The following GSE1 variants were observed in gnomAD, a reference collection of about 807,000 sequenced individuals.
The protein encoded by GSE1 is genetic suppressor element 1.
GSE1 carries 32 observed loss-of-function variants against 112.6 expected under a neutral mutation model. The observed-to-expected ratio is 0.28, with a 90% confidence interval of 0.21 to 0.38. The LOEUF (loss-of-function observed/expected upper bound fraction) is 0.38. GSE1 is among the 10% of genes least tolerant of loss of function. The pLI is 1.00. For synonymous variants in GSE1, 1,115 were observed against 735.6 expected (o/e 1.52, Z -8.35); for missense variants, 2,348 against 1,699.2 (o/e 1.38, Z -6.71).
chr16:85,328,744 G>A (rs941215565), intron 1 of GSE1, among the ~76,000 whole-genome samples: 1 of 152,116 alleles, frequency 6.6e-6, no homozygotes, highest in African/African-American at 2.4e-5. Flanking sequence ...CCCCTGCCGG[G>A]TCCTCACAGG....
intron 1 of GSE1, among the ~76,000 whole-genome samples, chr16:85,173,137 T>C (rs1413328893): frequency 1.3e-5 from 2 of 152,218 alleles, no homozygotes; most frequent in Non-Finnish European, 2.9e-5. Context: ...CCAAAAGGGC[T>C]GAAACTGGGA....
intron 2 of GSE1, among the ~76,000 whole-genome samples, chr16:85,462,045 G>C (rs2049982989): frequency 6.6e-6 from 1 of 152,244 alleles, no homozygotes; most frequent in Non-Finnish European, 1.5e-5. Context: ...CAGGCCCCCG[G>C]GGAGTGGGGC....
At position 85,358,557 on chromosome 16, in the gene GSE1, T is replaced by G. The variant is rs540167105; in HGVS notation, c.2464+914T>G. ...TTATTGGGCTGAGCCGGGGAGGAGATGGACAGACAGGGGACTGCTGGGGGC... is the reference window on the plus strand; with the variant it reads ...TTATTGGGCTGAGCCGGGGAGGAGAGGGACAGACAGGGGACTGCTGGGGGC... On this transcript the variant is annotated intron_variant, in intron 2 of 2. Transcript: ENST00000637419. Among the ~76,000 whole-genome samples, 67 of 151,870 alleles carry G rather than the reference T, an allele frequency of 4.4e-4. 2 individuals carry two copies. In the South Asian group the frequency reaches 0.013, roughly 30 times the overall value.
intron 1 of GSE1, among the ~76,000 whole-genome samples, chr16:85,573,018 C>T (rs1189979213): frequency 2.6e-5 from 4 of 152,300 alleles, no homozygotes; most frequent in African/African-American, 7.2e-5. Flanking sequence ...TAGAGGCGCA[C>T]GCCACCACAC....
At chr16:85,502,631 A>G (rs1049404102) in intron 2 of GSE1, among the ~76,000 whole-genome samples, 1 of 152,176 alleles carries the variant, frequency 6.6e-6, no homozygotes, top group Non-Finnish European at 1.5e-5. Context: ...TGCTCTTGAG[A>G]TCATGAGCTG....
At chr16:85,666,583 G>A (rs762834188) in intron 13 of GSE1, 1 of 567,510 alleles carries the variant, frequency 1.8e-6, no homozygotes, top group Non-Finnish European at 3.1e-6. Context: ...CTGACGCTGT[G>A]CTGTGAGCAG....
At chr16:85,630,487 G>A (rs925951986) in intron 1 of GSE1, among the ~76,000 whole-genome samples, 2 of 152,098 alleles carry the variant, frequency 1.3e-5, no homozygotes, top group Non-Finnish European at 2.9e-5. Context: ...CGCATGTGTC[G>A]TTTCAGGGTA....
chr16:85,301,255 A>G (rs2045516281), intron 1 of GSE1, among the ~76,000 whole-genome samples: 1 of 152,208 alleles, frequency 6.6e-6, no homozygotes, highest in Non-Finnish European at 1.5e-5. Context: ...GGGCCCAGGA[A>G]AGTGGTGCCC....
chr16:85,503,724 C>G (rs573228553), intron 2 of GSE1, among the ~76,000 whole-genome samples: 2 of 152,290 alleles, frequency 1.3e-5, no homozygotes, highest in African/African-American at 4.8e-5. Context: ...TCGAAGCAAA[C>G]CTCGCCGATG....
chr16:85,568,009 G>C (rs1294708816), intron 1 of GSE1, among the ~76,000 whole-genome samples: 1 of 152,222 alleles, frequency 6.6e-6, no homozygotes. Flanking sequence ...ACAGACACGA[G>C]CCACTGTGCC....
chr16:85,245,897 G>C (rs965137493), intron 1 of GSE1, among the ~76,000 whole-genome samples: 2 of 151,606 alleles, frequency 1.3e-5, no homozygotes, highest in African/African-American at 4.9e-5. Context: ...GTGTGCGTGT[G>C]TGTCGAGGTG....
intron 2 of GSE1, among the ~76,000 whole-genome samples, chr16:85,465,298 C>T (rs556283305): frequency 5.3e-5 from 8 of 152,242 alleles, no homozygotes; most frequent in East Asian, 3.9e-4. Context: ...TTCTGTGCCA[C>T]GCCCTGGCCC....
intron 2 of GSE1, among the ~76,000 whole-genome samples, chr16:85,368,129 C>T (rs1416888841): frequency 2.0e-5 from 3 of 152,176 alleles, no homozygotes; most frequent in Admixed American, 6.5e-5. Flanking sequence ...GCTGGGATTA[C>T]AGGCGTGAGC....
chr16:85,233,959 G>T (rs766731852), intron 1 of GSE1, among the ~76,000 whole-genome samples: 5 of 152,112 alleles, frequency 3.3e-5, no homozygotes, highest in Non-Finnish European at 5.9e-5. Context: ...CACAGAAGGC[G>T]GCTCCTCAAA....
chr16:85,537,477 C>A (rs1007189280), intron 2 of GSE1, among the ~76,000 whole-genome samples: 1 of 152,186 alleles, frequency 6.6e-6, no homozygotes, highest in Non-Finnish European at 1.5e-5. Context: ...CTGGGGTCAA[C>A]GGGGCTGCCC....
At chr16:85,501,291 C>T (rs1274772516) in intron 2 of GSE1, among the ~76,000 whole-genome samples, 5 of 151,190 alleles carry the variant, frequency 3.3e-5, no homozygotes, top group South Asian at 2.1e-4. Flanking sequence ...CGTGAGCCAC[C>T]GCACCCAGCC....
chr16:85,268,105 C>G (rs1394644443), intron 1 of GSE1, among the ~76,000 whole-genome samples: 1 of 152,162 alleles, frequency 6.6e-6, no homozygotes, highest in Non-Finnish European at 1.5e-5. Context: ...GCTGAGCGGT[C>G]TGCTGTGATG....
At chr16:85,479,617 G>A (rs2050610011) in intron 2 of GSE1, among the ~76,000 whole-genome samples, 1 of 152,136 alleles carries the variant, frequency 6.6e-6, no homozygotes, top group Non-Finnish European at 1.5e-5. Context: ...ATGAGTTTGT[G>A]TGTGGGCGTT....
At chr16:85,252,398 C>T (rs1161176305) in intron 1 of GSE1, among the ~76,000 whole-genome samples, 5 of 152,228 alleles carry the variant, frequency 3.3e-5, no homozygotes, top group South Asian at 2.1e-4. Context: ...AGGATGTGTA[C>T]GTGCATGAAA....
Sources: allele counts gnomAD v4.1 joint callset (sites outside exome capture counted in the v4.1 genomes callset), GRCh38; gene constraint gnomAD v4.1.1; transcripts MANE v1.5; gene names NCBI Gene and HGNC (gene_info 2026-07-23, HGNC 2026-07-21).